TLE4: variants seen among roughly 807,000 people sequenced by gnomAD.
TLE4 encodes the protein TLE family member 4, transcriptional corepressor.
TLE4 carries 8 observed loss-of-function variants against 92.8 expected under a neutral mutation model. The observed-to-expected ratio is 0.09, with a 90% CI of 0.05 to 0.16. TLE4 has a LOEUF of 0.16. Among genes scored for constraint, TLE4 ranks in the 10% least tolerant of loss-of-function variants. TLE4 has a pLI of 1.00. For synonymous variants in TLE4, 371 were observed against 374.1 expected, an observed-to-expected ratio of 0.99 and a Z score of 0.10; for missense variants, 675 against 997.6, an observed-to-expected ratio of 0.68 and a Z score of 4.36.
At position 79,654,053 on chromosome 9, in the gene TLE4, A is replaced by G. The variant is rs2059412630; in HGVS notation, c.593-6A>G. On this transcript the variant is annotated splice_region_variant and splice_polypyrimidine_tract_variant and intron_variant, in intron 7 of 19. Coordinates refer to ENST00000376552, the MANE Select transcript of TLE4 (RefSeq NM_007005.6). The stretch of plus-strand genomic sequence containing the variant: ...TCTGCTTGTGTTGCTGCTGTTTTGC[A>G]TATAGACAGAGACTCCATCAAGGTA... 8.1e-6 allele frequency: 13 copies of G among 1,613,746 alleles called. No individual in the cohort carries two copies. Among genetic ancestry groups the G allele is most frequent in the Non-Finnish European group, 1.1e-5 (13 of 1,179,822 alleles).
At chr9:79,590,481 T>G (rs917060706) in intron 4 of TLE4, among the ~76,000 whole-genome samples, 1 of 152,152 alleles carries the variant, frequency 6.6e-6, no homozygotes, top group Non-Finnish European at 1.5e-5. Context: ...GTGTCAGATT[T>G]AGGAGAGGCT....
chr9:79,653,510 T>C (rs927060669), intron 7 of TLE4, among the ~76,000 whole-genome samples: 4 of 152,230 alleles, frequency 2.6e-5, no homozygotes, highest in Non-Finnish European at 5.9e-5. Context: ...TGCTTACTGA[T>C]AATTTTTATT....
intron 3 of TLE4, chr9:79,575,749 C>G (rs994733260): frequency 6.1e-6 from 1 of 164,112 alleles, no homozygotes; most frequent in Non-Finnish European, 1.3e-5. Flanking sequence ...TTCCAACCTT[C>G]CTTTCAAAAC....
intron 16 of TLE4, 94 bp downstream of exon 16, chr9:79,720,387 T>G (rs879850225): frequency 0.052 from 32,329 of 624,966 alleles, 1,680 homozygotes; most frequent in Admixed American, 0.1. Flanking sequence ...GGTGTGTGTG[T>G]GTGTGTGTGT....
chr9:79,680,180 G>A (rs1425809586), intron 8 of TLE4, among the ~76,000 whole-genome samples: 15 of 151,860 alleles, frequency 9.9e-5, no homozygotes, highest in East Asian at 9.7e-4. Context: ...TGATGGGGAT[G>A]GCATTGAATC....
chr9:79,707,204 C>T (rs201555065), intron 11 of TLE4: 515 of 1,612,430 alleles, frequency 3.2e-4, no homozygotes, highest in African/African-American at 1.6e-4. Context: ...ATGGTTTTGT[C>T]GCCTGTGGTT....
chr9:79,680,225 G>T (rs1323016671), intron 8 of TLE4, among the ~76,000 whole-genome samples: 1 of 150,180 alleles, frequency 6.7e-6, no homozygotes, highest in Non-Finnish European at 1.5e-5. Flanking sequence ...CCATTTTCAT[G>T]ATATTGATTC....
chr9:79,713,114 C>T (rs116303672), intron 14 of TLE4, among the ~76,000 whole-genome samples: 1,558 of 152,256 alleles, frequency 0.01, 29 homozygotes, highest in African/African-American at 0.035. Flanking sequence ...CTCATTGTGA[C>T]CTCAAGGTCG....
rs1000189561 is a variant in TLE4, at chr9:79,572,199, T to C, written c.-592T>C. ...GGAAGAGAAATAAGGAAATGAGATG[T>C]GGTAAAAGAAGCTAAAAGGTGCCTT... is the stretch of plus-strand genomic sequence containing the variant. On this transcript the variant is annotated 5_prime_UTR_variant, in exon 1 of 20. Transcript: ENST00000376552. The C allele has an allele frequency of 6.7e-6, 1 of 150,152 alleles. No individual in the cohort carries two copies. The highest frequency in any genetic ancestry group is 2.1e-4 in the South Asian group (1 of 4,686). 9.3% of individuals were successfully genotyped at this position (150,152 alleles called of 1,614,324 possible).
intron 2 of TLE4, among the ~76,000 whole-genome samples, chr9:79,574,627 T>G (rs2037125690): frequency 6.6e-6 from 1 of 152,170 alleles, no homozygotes; most frequent in South Asian, 2.1e-4. Context: ...TTAGAGGATT[T>G]GTTTCCTTAA....
intron 17 of TLE4, 40 bp from the exon 18 acceptor site, chr9:79,722,411 C>T: frequency 6.2e-7 from 1 of 1,608,836 alleles, no homozygotes; most frequent in Non-Finnish European, 8.5e-7. Flanking sequence ...AGAAGCGTGT[C>T]CACTGTGGCC....
intron 4 of TLE4, among the ~76,000 whole-genome samples, chr9:79,601,177 A>G (rs1363032468): frequency 6.6e-6 from 1 of 152,208 alleles, no homozygotes; most frequent in African/African-American, 2.4e-5. Context: ...TTCACCCATC[A>G]GGAATTGTCC....
At chr9:79,709,830 AT>A (rs2072762750) in intron 14 of TLE4, 131 bp downstream of exon 14, 2 of 652,178 alleles carry the variant, frequency 3.1e-6, no homozygotes, top group Admixed American at 3.6e-5. Context: ...CTTGCAAGGT[AT>A]TTTTCATTTT....
intron 4 of TLE4, among the ~76,000 whole-genome samples, chr9:79,609,947 T>A (rs1395656318): frequency 6.6e-6 from 1 of 152,052 alleles, no homozygotes; most frequent in Non-Finnish European, 1.5e-5. Context: ...CTAAGCAAGA[T>A]TCATCAGATG....
chr9:79,674,081 A>T (rs2062852862), intron 8 of TLE4, among the ~76,000 whole-genome samples: 1 of 152,126 alleles, frequency 6.6e-6, no homozygotes, highest in African/African-American at 2.4e-5. Flanking sequence ...AGAGTTGAGA[A>T]GTGGTTTATT....
intron 4 of TLE4, among the ~76,000 whole-genome samples, chr9:79,611,536 C>A (rs752504819): frequency 1.7e-4 from 26 of 152,086 alleles, no homozygotes; most frequent in Non-Finnish European, 3.5e-4. Context: ...AATGACTTGG[C>A]AAGAAAAGGC....
intron 3 of TLE4, chr9:79,575,890 G>A (rs926187178): frequency 1.5e-5 from 5 of 336,286 alleles, no homozygotes; most frequent in Middle Eastern, 7.6e-4. Context: ...AGAAACTGGA[G>A]ATGTTAAGAA....
chr9:79,659,199 C>A (rs1480252926), intron 8 of TLE4, among the ~76,000 whole-genome samples: 2 of 152,138 alleles, frequency 1.3e-5, no homozygotes, highest in African/African-American at 4.8e-5. Flanking sequence ...TTTGGGTAAC[C>A]CAGTTTCATT....
At chr9:79,627,311 A>C (rs1330512088) in intron 5 of TLE4, 63 bp from the exon 6 acceptor site, 11 of 1,553,778 alleles carry the variant, frequency 7.1e-6, no homozygotes, top group Non-Finnish European at 9.8e-6. Context: ...CATGTTAGGA[A>C]AAGCTGTTCT....
Sources: gnomAD v4.1 joint callset for allele counts (sites outside exome capture counted in the v4.1 genomes callset) on GRCh38, gnomAD v4.1.1 for gene constraint, MANE v1.5 for transcripts, NCBI Gene and HGNC (gene_info 2026-07-23, HGNC 2026-07-21) for gene names.